The following SCNN1B variants were observed in gnomAD, a reference collection of about 807,000 sequenced individuals.
The protein encoded by SCNN1B is epithelial sodium channel subunit beta.
SCNN1B carries 46 observed loss-of-function variants against 65.3 expected under a neutral mutation model. The observed-to-expected ratio is 0.70, with a 90% CI of 0.56 to 0.90. The LOEUF (loss-of-function observed/expected upper bound fraction) is 0.90. Ranked by LOEUF, SCNN1B falls within the 40% of genes least tolerant of loss-of-function variation. The probability of loss-of-function intolerance (pLI) is 0.00; values close to 1 mark genes in which losing one functional copy is unlikely to be tolerated. For missense variants in SCNN1B, 751 were observed against 830.5 expected, an observed-to-expected ratio of 0.90 and a Z score of 1.18; for synonymous variants, 349 against 330.6, an observed-to-expected ratio of 1.06 and a Z score of -0.60.
intron 3 of SCNN1B, among the ~76,000 whole-genome samples, chr16:23,354,828 G>C (rs1249788122): frequency 1.3e-5 from 2 of 152,210 alleles, no homozygotes; most frequent in Admixed American, 1.3e-4. Context: ...GGAGGTCAGA[G>C]AGAGGGCATC....
chr16:23,380,816 A>T lies in SCNN1B; in HGVS notation c.*15A>T. On this transcript the variant is annotated 3_prime_UTR_variant, in exon 13 of 13. Transcript: ENST00000343070. This position sits in a 1 kb window ranked among gnomAD's most constrained non-coding sequence, Gnocchi z 5.4. Reference sequence around the variant, plus strand: ...ATGCCATCTAACCCTGCCCCTGCCCACCCCGGGCGGCTGAAACTCACTGAG... The same window carrying T: ...ATGCCATCTAACCCTGCCCCTGCCCTCCCCGGGCGGCTGAAACTCACTGAG... 6.2e-7 allele frequency: 1 copy of T among 1,610,950 alleles called. No homozygotes were observed. Among genetic ancestry groups the T allele is most frequent in the Middle Eastern group, 2.0e-4 (1 of 4,992 alleles).
chr16:23,289,673 CTTTT>C (rs11369014), intron 2 of SCNN1B, among the ~76,000 whole-genome samples: 1 of 124,106 alleles, frequency 8.1e-6, no homozygotes. Flanking sequence ...CAATATTTAA[CTTTT>C]TTTTTTTTTT....
intron 10 of SCNN1B, among the ~76,000 whole-genome samples, chr16:23,378,471 C>T (rs113311208): frequency 4.3e-4 from 65 of 152,282 alleles, no homozygotes; most frequent in African/African-American, 1.2e-3. Context: ...GGGAGAGAGC[C>T]GGGCAGGGTG....
intron 7 of SCNN1B, 72 bp downstream of exon 7, chr16:23,371,955 C>T (rs1164832118): frequency 2.7e-6 from 3 of 1,122,242 alleles, no homozygotes; most frequent in African/African-American, 1.5e-5. Flanking sequence ...CTCAGTACTC[C>T]GGGAGAGCTG....
intron 4 of SCNN1B, among the ~76,000 whole-genome samples, chr16:23,360,993 A>G (rs915877134): frequency 6.6e-6 from 1 of 152,040 alleles, no homozygotes; most frequent in Non-Finnish European, 1.5e-5. Context: ...ACAGGGTTTC[A>G]CTGTGTTAGC....
At chr16:23,291,475 A>AGTGTGTGTGTGTGT (rs71858801) in intron 2 of SCNN1B, among the ~76,000 whole-genome samples, 3,136 of 145,508 alleles carry the variant, frequency 0.022, 45 homozygotes, top group Non-Finnish European at 0.035. Context: ...TGTGTGTGTA[A>AGTGTGTGTGTGTGT]GTGTGTGTGT....
At chr16:23,371,540 C>T in intron 6 of SCNN1B, 78 bp downstream of exon 6, 1 of 1,455,562 alleles carries the variant, frequency 6.9e-7, no homozygotes, top group Non-Finnish European at 9.5e-7. Context: ...TGCCCTTGGC[C>T]TGGGAGGAGG....
At chr16:23,299,908 A>G (rs890542945), upstream of SCNN1B, among the ~76,000 whole-genome samples, 4 of 152,366 alleles carry the variant, frequency 2.6e-5, no homozygotes, top group South Asian at 8.3e-4. Context: ...TTATTGCGGC[A>G]CTATTCACAA....
At chr16:23,343,649 A>AAGAAAG (rs2142011969) in intron 1 of SCNN1B, among the ~76,000 whole-genome samples, 1 of 119,958 alleles carries the variant, frequency 8.3e-6, no homozygotes, top group South Asian at 2.8e-4. Context: ...GAAAGAAAGA[A>AAGAAAG]AAAAAGAAAG....
At position 23,348,762 on chromosome 16, in the gene SCNN1B, C is replaced by A; in HGVS notation, c.163C>A (p.Leu55Ile). Reference sequence around the variant, plus strand: ...CAAGAAGAAAGCCATGTGGTTCCTGCTCACCCTGCTCTTCGCCGCCCTCGT... The same window carrying A: ...CAAGAAGAAAGCCATGTGGTTCCTGATCACCCTGCTCTTCGCCGCCCTCGT... ...GPKKKAMWFLLTLLFAALVCW... is the reference protein window; with the variant it reads ...GPKKKAMWFLITLLFAALVCW... Residue 55 changes from leucine to isoleucine, a missense_variant, in exon 2 of 13, where the codon CTC becomes ATC. Coordinates refer to ENST00000343070, the MANE Select transcript of SCNN1B (RefSeq NM_000336.3). This position sits in a 1 kb window ranked among gnomAD's most constrained non-coding sequence, Gnocchi z 4.5. 1 of 1,614,196 alleles carries A rather than the reference C, an allele frequency of 6.2e-7. No homozygotes were observed. The highest frequency in any genetic ancestry group is 8.5e-7 in the Non-Finnish European group (1 of 1,180,032).
At chr16:23,281,381 C>T (rs971624352) in intron 1 of SCNN1B, among the ~76,000 whole-genome samples, 33 of 152,130 alleles carry the variant, frequency 2.2e-4, no homozygotes, top group African/African-American at 7.0e-4. Flanking sequence ...TGCAGTGAGC[C>T]AAGACCACAC....
intron 1 of SCNN1B, among the ~76,000 whole-genome samples, chr16:23,312,008 G>A (rs565009136): frequency 1.3e-5 from 2 of 152,258 alleles, no homozygotes; most frequent in South Asian, 2.1e-4. Flanking sequence ...ATGTAGGGAG[G>A]GGGAGGCCTT....
At chr16:23,325,314 T>C (rs886910819) in intron 1 of SCNN1B, among the ~76,000 whole-genome samples, 1 of 152,170 alleles carries the variant, frequency 6.6e-6, no homozygotes, top group Non-Finnish European at 1.5e-5. Context: ...TCGCCCTGGC[T>C]GGAGTACGGT....
chr16:23,365,603 A>AAGAG (rs1491364246), intron 4 of SCNN1B, among the ~76,000 whole-genome samples: 1 of 93,688 alleles, frequency 1.1e-5, no homozygotes, highest in East Asian at 3.7e-4. Flanking sequence ...GAAAGAAAGA[A>AAGAG]AGAAAGAAAG....
intron 1 of SCNN1B, chr16:23,304,208 A>C: frequency 1.1e-6 from 1 of 872,136 alleles, no homozygotes; most frequent in Non-Finnish European, 1.8e-6. Flanking sequence ...TTAGGGGATG[A>C]GGTCCTCTCT....
At position 23,374,588 on chromosome 16, in the gene SCNN1B, A is replaced by T. The variant is rs1346234670; in HGVS notation, c.1153-1150A>T. On this transcript the variant is annotated intron_variant, in intron 7 of 12. Transcript: ENST00000343070. ...GACTCCATCTCAAAAAAAAAAAAAA[A>T]AAAAAAAAAAGAATGTAAAACACTT... Among the ~76,000 whole-genome samples, 8 of 151,228 alleles carry T rather than the reference A, an allele frequency of 5.3e-5. No homozygotes were observed. The South Asian group carries it at 1.7e-3, about 32-fold the overall frequency.
chr16:23,287,811 CTT>C (rs34743456), intron 2 of SCNN1B, among the ~76,000 whole-genome samples: 17 of 141,810 alleles, frequency 1.2e-4, no homozygotes, highest in East Asian at 4.1e-4. Flanking sequence ...GTAGCGTTTC[CTT>C]TTTTTTTTTT....
intron 1 of SCNN1B, among the ~76,000 whole-genome samples, chr16:23,321,194 A>C (rs1387933301): frequency 6.6e-6 from 1 of 152,128 alleles, no homozygotes; most frequent in African/African-American, 2.4e-5. Context: ...GGGGTGTGCC[A>C]CCATGGCCAG....
chr16:23,354,961 G>T (rs2142022100), intron 3 of SCNN1B, among the ~76,000 whole-genome samples: 1 of 152,290 alleles, frequency 6.6e-6, no homozygotes, highest in African/African-American at 2.4e-5. Flanking sequence ...TGAACGAGGG[G>T]ACCAGCCTCT....
Sources: gnomAD v4.1 joint callset for allele counts (sites outside exome capture counted in the v4.1 genomes callset) on GRCh38, gnomAD v4.1.1 for gene constraint, Gnocchi (gnomAD v3.1) non-coding constraint, MANE v1.5 for transcripts, NCBI Gene and HGNC (gene_info 2026-07-23, HGNC 2026-07-21) for gene names.